Variants in EDEM1 observed in about 807,000 individuals in gnomAD.
The protein encoded by EDEM1 is ER degradation enhancing alpha-mannosidase like protein 1, also known as ER degradation-enhancing alpha-mannosidase-like protein 1.
A neutral mutation model predicts 74.4 loss-of-function variants in EDEM1; 67 were observed. That is an observed-to-expected ratio of 0.90 (90% CI 0.74 to 1.10). The LOEUF (loss-of-function observed/expected upper bound fraction) is 1.10. EDEM1 is among the 50% of genes least tolerant of loss of function. The pLI, the probability that EDEM1 is intolerant of heterozygous loss-of-function variation, is 0.00. For synonymous variants in EDEM1, 382 were observed against 335.9 expected (o/e 1.14, Z -1.50); for missense variants, 926 against 851.6 (o/e 1.09, Z -1.09).
At chr3:5,209,066 ACT>A (rs1011348570) in intron 8 of EDEM1, among the ~76,000 whole-genome samples, 6 of 151,904 alleles carry the variant, frequency 3.9e-5, no homozygotes, top group East Asian at 1.9e-4. Flanking sequence ...AGTTTTAGAA[ACT>A]CTGGTAGTGG....
chr3:5,199,846 C>A, intron 3 of EDEM1, 151 bp downstream of exon 3: 1 of 542,110 alleles, frequency 1.8e-6, no homozygotes, highest in East Asian at 3.1e-5. Context: ...ATGTTCATAT[C>A]TGTCAAAACT....
Position 5,188,477 on chromosome 3 carries a change from C to T in EDEM1, c.509+163C>T, listed in dbSNP as rs1018593317. On this transcript the variant is annotated intron_variant, in intron 1 of 11. Transcript: ENST00000256497. ...GTCCCGTGTGAGTCCCTGTGAAGAC[C>T]CCCGAGCTTGAGGGTGCGGGGTGGG... 1.1e-4 allele frequency: 86 copies of T among 787,674 alleles called. 1 individual carries two copies. The highest frequency in any genetic ancestry group is 2.6e-5 in the Non-Finnish European group (15 of 576,756). 48.8% of individuals were successfully genotyped at this position (787,674 alleles called of 1,614,324 possible). A position where few individuals can be genotyped will look rare whatever the true frequency, so the allele number is the denominator to read the frequency against.
rs2055151906 is a variant in EDEM1, at chr3:5,210,240, A to G, written c.1575A>G (p.Thr525=). The G allele has an allele frequency of 6.2e-7, 1 of 1,614,040 alleles. No individual in the cohort carries two copies. The highest frequency in any genetic ancestry group is 8.5e-7 in the Non-Finnish European group (1 of 1,179,958). The part of the protein sequence containing the change: ...MDILQSLEKY[T]KVKCGYATLH... ...TTCTGCAGAGTCTGGAAAAGTACAC[A>G]AAAGTCAAGTCAGTTTTCTAAGTTC... The change falls in exon 9 of 12, where the codon ACA becomes ACG. Residue 525 remains threonine, a synonymous_variant. Coordinates refer to ENST00000256497, the MANE Select transcript of EDEM1 (RefSeq NM_014674.3).
rs1353651231 is a variant in EDEM1 at position 5,213,512 on chromosome 3, C to G, written c.1874C>G (p.Ser625Cys). The G allele has an allele frequency of 8.7e-6, 14 of 1,607,442 alleles. No individual in the cohort carries two copies. The highest frequency in any genetic ancestry group is 1.1e-5 in the South Asian group (1 of 90,226). ...CCTCATGAGTTAAAAGTCATCAACT[C>G]CAGCTCCAACGTGAGTTGCTTTTTC... The part of the protein sequence containing the change: ...PKPHELKVIN[S>C]SSNCNRVPDE... Residue 625 changes from serine to cysteine, a missense_variant, in exon 11 of 12, where the codon TCC becomes TGC. Physicochemically the swap from Ser to Cys is moderately radical, Grantham distance 112 (BLOSUM62 -1). Coordinates refer to ENST00000256497, the MANE Select transcript of EDEM1 (RefSeq NM_014674.3).
chr3:5,198,285 G>A, intron 2 of EDEM1, among the ~76,000 whole-genome samples: 1 of 152,206 alleles, frequency 6.6e-6, no homozygotes, highest in South Asian at 2.1e-4. Context: ...TTGGCCTGAA[G>A]TGATCCGCTC....
At chr3:5,208,883 A>AG (rs1371505680) in intron 8 of EDEM1, among the ~76,000 whole-genome samples, 2 of 152,080 alleles carry the variant, frequency 1.3e-5, no homozygotes, top group Admixed American at 1.3e-4. Context: ...TGACGGTTGA[A>AG]GCCAGGTATT....
chr3:5,187,747 C>A lies in EDEM1; in HGVS notation c.-59C>A, dbSNP rs776683415. On this transcript the variant is annotated 5_prime_UTR_variant, in exon 1 of 12. Transcript: ENST00000256497. Reference sequence around the variant, plus strand: ...CGGGCTACGGGGCGAGCGCGGGGTGCGGTGGTCGGCGGGGAGGCCCCCGCG... The same window carrying A: ...CGGGCTACGGGGCGAGCGCGGGGTGAGGTGGTCGGCGGGGAGGCCCCCGCG... 4 of 1,452,390 alleles carry A rather than the reference C, an allele frequency of 2.8e-6. No homozygotes were observed. The highest frequency in any genetic ancestry group is 2.7e-5 in the South Asian group (2 of 73,596). 90.0% of individuals were successfully genotyped at this position (1,452,390 alleles called of 1,614,324 possible). A position where few individuals can be genotyped will look rare whatever the true frequency, so the allele number is the denominator to read the frequency against.
intron 2 of EDEM1, 46 bp from the exon 3 acceptor site, chr3:5,199,546 G>T: frequency 6.9e-7 from 1 of 1,454,238 alleles, no homozygotes; most frequent in South Asian, 1.2e-5. Context: ...TACAGCCTCA[G>T]TTTCATTTCA....
intron 2 of EDEM1, among the ~76,000 whole-genome samples, chr3:5,196,817 C>G (rs965827993): frequency 2.0e-5 from 3 of 152,128 alleles, no homozygotes; most frequent in African/African-American, 7.2e-5. Flanking sequence ...GAGGCTGACT[C>G]AGCCTACAAG....
chr3:5,201,614 G>C, intron 3 of EDEM1, 139 bp from the exon 4 acceptor site: 1 of 870,700 alleles, frequency 1.1e-6, no homozygotes. Flanking sequence ...GAATTCAAGA[G>C]TCCATTAAGT....
In EDEM1 at chr3:5,188,005, C is replaced by T. The variant is rs2054847290; in HGVS notation, c.200C>T (p.Ser67Phe). 6.7e-7 allele frequency: 1 copy of T among 1,501,956 alleles called. No individual in the cohort carries two copies. The highest frequency in any genetic ancestry group is 1.3e-5 in the South Asian group (1 of 79,762). 93.0% of individuals were successfully genotyped at this position (1,501,956 alleles called of 1,614,324 possible). Residue 67 changes from serine to phenylalanine, a missense_variant, in exon 1 of 12, where the codon TCC becomes TTC. Physicochemically the swap from Ser to Phe is radical, Grantham distance 155. Coordinates refer to ENST00000256497, the MANE Select transcript of EDEM1 (RefSeq NM_014674.3). ...SGPVGRPGGV[S>F]GPSWLQPPGT... ...CCCGTGGGCCGGCCTGGGGGGGTAT[C>T]CGGGCCGTCGTGGCTGCAGCCGCCG...
Position 5,208,135 on chromosome 3 carries a change from T to C in EDEM1, c.1381T>C (p.Phe461Leu), listed in dbSNP as rs1349343340. 6.2e-7 allele frequency: 1 copy of C among 1,609,590 alleles called. No individual in the cohort carries two copies. Among genetic ancestry groups the C allele is most frequent in the African/African-American group, 1.3e-5 (1 of 74,500 alleles). Reference protein sequence around the residue: ...DVEDAICLHAFYYAIWKRYGA... With the variant: ...DVEDAICLHALYYAIWKRYGA... ...GGAAGATGCCATCTGCCTTCATGCC[T>C]TCTACTATGCCATATGGAAACGATA... The change falls in exon 8 of 12, where the codon TTC (phenylalanine) becomes CTC (leucine). Residue 461 changes from phenylalanine (F) to leucine (L), a missense_variant. Transcript: ENST00000256497.
chr3:5,210,139 C>G lies in EDEM1; in HGVS notation c.1510-36C>G, dbSNP rs781631315. On this transcript the variant is annotated intron_variant, in intron 8 of 11. Coordinates refer to ENST00000256497, the MANE Select transcript of EDEM1 (RefSeq NM_014674.3). ...GTTTGTCGATGGCATGTCTTCCAAG[C>G]CCATGCTGGATCACATTCTCTCGTG... 2.5e-6 allele frequency: 4 copies of G among 1,572,740 alleles called. No individual in the cohort carries two copies. In the South Asian group the frequency reaches 4.4e-5, roughly 17 times the overall value.
intron 5 of EDEM1, among the ~76,000 whole-genome samples, chr3:5,204,328 TTTG>T (rs1217033000): frequency 2.0e-5 from 3 of 152,054 alleles, no homozygotes; most frequent in Non-Finnish European, 2.9e-5. Context: ...AATGACCACT[TTTG>T]TTGTTGTTTT....
At position 5,216,018 on chromosome 3, in the gene EDEM1, G is replaced by A; in HGVS notation, c.*100G>A. On this transcript the variant is annotated 3_prime_UTR_variant, in exon 12 of 12. Coordinates refer to ENST00000256497, the MANE Select transcript of EDEM1 (RefSeq NM_014674.3). The stretch of plus-strand genomic sequence containing the variant: ...AATGAAAGGGGACAGAAGTCTTGCT[G>A]TCCATGGTGGTGTAGGAATTTCTGT... 1 of 956,288 alleles carries A rather than the reference G, an allele frequency of 1.0e-6. No homozygotes were observed. Among genetic ancestry groups the A allele is most frequent in the Non-Finnish European group, 1.6e-6 (1 of 625,916 alleles). The allele number at this position is 956,288 out of a possible 1,614,324, so 59.2% of individuals were successfully genotyped here.
At position 5,211,217 on chromosome 3, in the gene EDEM1, G is replaced by C. The variant is rs749191092; in HGVS notation, c.1680+1G>C. 5.6e-6 allele frequency: 9 copies of C among 1,613,646 alleles called. No individual in the cohort carries two copies. The highest frequency in any genetic ancestry group is 1.3e-5 in the African/African-American group (1 of 74,910). On this transcript the variant is annotated splice_donor_variant, in intron 10 of 11. Transcript: ENST00000256497. LOFTEE classifies it high-confidence loss of function. ...TGAGACCTGTAAATATTTGTATCTG[G>C]TATGTGTGTTGCAAGATGAACCCAG...
intron 11 of EDEM1, 138 bp downstream of exon 11, chr3:5,213,660 C>G: frequency 1.2e-6 from 1 of 809,518 alleles, no homozygotes; most frequent in Non-Finnish European, 1.9e-6. Context: ...CTAAAGACAC[C>G]ATTTACATAG....
rs150336782 is a variant in EDEM1, at chr3:5,193,567, T to A, written c.510-1642T>A. ...CCTAGTTCCTAGACTATAGCCCCCA[T>A]ATATATCTCGTTTCAAAAAAACAGT... On this transcript the variant is annotated intron_variant, in intron 1 of 11. Coordinates refer to ENST00000256497, the MANE Select transcript of EDEM1 (RefSeq NM_014674.3). 1.4e-3 allele frequency among the ~76,000 whole-genome samples: 208 copies of A among 152,190 alleles called. 1 individual carries two copies. The highest frequency in any genetic ancestry group is 4.9e-3 in the African/African-American group (203 of 41,542).
intron 1 of EDEM1, 86 bp from the exon 2 acceptor site, chr3:5,195,123 A>G: frequency 2.9e-6 from 2 of 687,740 alleles, no homozygotes; most frequent in East Asian, 6.3e-5. Flanking sequence ...AGTTGCTGGC[A>G]ATTATAGTTT....
Sources: gnomAD v4.1 joint callset for allele counts (sites outside exome capture counted in the v4.1 genomes callset) on GRCh38, gnomAD v4.1.1 for gene constraint, MANE v1.5 for transcripts, NCBI Gene and HGNC (gene_info 2026-07-23, HGNC 2026-07-21) for gene names.